The following CTNND2 variants were observed in gnomAD, a reference collection of about 807,000 sequenced individuals.
CTNND2 encodes the protein catenin delta-2.
In CTNND2, 22 loss-of-function variants were observed where a neutral mutation model predicts 144.4. The observed-to-expected ratio is 0.15, with a 90% confidence interval of 0.11 to 0.22. CTNND2 has a LOEUF of 0.22. Ranked by LOEUF, CTNND2 falls within the 10% of genes least tolerant of loss-of-function variation. The pLI, the probability that CTNND2 is intolerant of heterozygous loss-of-function variation, is 1.00. For missense variants in CTNND2, 1,353 were observed against 1,618.8 expected (o/e 0.84, Z 2.82); for synonymous variants, 751 against 695.6 (o/e 1.08, Z -1.25).
intron 2 of CTNND2, among the ~76,000 whole-genome samples, chr5:11,630,509 A>C (rs540117627): frequency 6.6e-6 from 1 of 152,186 alleles, no homozygotes; most frequent in South Asian, 2.1e-4. Context: ...CTTTTTCTTA[A>C]ACTGCATGTA....
rs554970700 is a variant in CTNND2 at position 11,411,396 on chromosome 5, G to A, written c.439+140C>T. On this transcript the variant is annotated intron_variant, in intron 5 of 21. Coordinates refer to ENST00000304623, the MANE Select transcript of CTNND2 (RefSeq NM_001332.4). ...AATGTGGGAAGGGAACAGATGGGAC[G>A]GAGTGAAATGGATAAAACAAGTATA... is the stretch of plus-strand genomic sequence containing the variant. 1.2e-4 allele frequency: 70 copies of A among 604,420 alleles called. No individual in the cohort carries two copies. In the East Asian group the frequency reaches 1.7e-3, roughly 14 times the overall value. The allele number at this position is 604,420 out of a possible 1,614,324, so 37.4% of individuals were successfully genotyped here. A position where few individuals can be genotyped will look rare whatever the true frequency, so the allele number is the denominator to read the frequency against.
intron 1 of CTNND2, among the ~76,000 whole-genome samples, chr5:11,889,600 A>G (rs556736166): frequency 6.6e-6 from 1 of 152,248 alleles, no homozygotes; most frequent in Admixed American, 6.5e-5. Context: ...AATTTAAATA[A>G]GCAGGGGATT....
intron 2 of CTNND2, among the ~76,000 whole-genome samples, chr5:11,605,053 C>A (rs1779979761): frequency 6.6e-6 from 1 of 152,046 alleles, no homozygotes. Flanking sequence ...AATAAAGTTC[C>A]TTTATTTATG....
intron 1 of CTNND2, among the ~76,000 whole-genome samples, chr5:11,767,048 T>C (rs1263057123): frequency 6.6e-6 from 1 of 152,066 alleles, no homozygotes; most frequent in Non-Finnish European, 1.5e-5. Context: ...ATCTGGGTCT[T>C]CGTGACTCCA....
chr5:11,232,716 G>A (rs1741172323), intron 10 of CTNND2, among the ~76,000 whole-genome samples: 1 of 152,230 alleles, frequency 6.6e-6, no homozygotes, highest in African/African-American at 2.4e-5. Flanking sequence ...GCTGAAATGA[G>A]TTAAGACTTT....
intron 1 of CTNND2, among the ~76,000 whole-genome samples, chr5:11,887,488 T>G (rs1415359421): frequency 1.3e-5 from 2 of 149,062 alleles, no homozygotes; most frequent in Non-Finnish European, 3.0e-5. Flanking sequence ...TACAGAGATC[T>G]TTAAAAACTT....
chr5:11,667,182 T>C (rs188460128), intron 2 of CTNND2, among the ~76,000 whole-genome samples: 174 of 152,272 alleles, frequency 1.1e-3, no homozygotes, highest in Non-Finnish European at 2.0e-3. Flanking sequence ...GGCATTTGAG[T>C]CAGTTCCAAG....
intron 12 of CTNND2, among the ~76,000 whole-genome samples, chr5:11,127,521 C>T (rs1195151533): frequency 6.6e-6 from 1 of 152,224 alleles, no homozygotes; most frequent in Admixed American, 6.5e-5. Context: ...TTTCTGACAT[C>T]TGACCCGGAG....
At chr5:11,089,735 C>T (rs1750564743) in intron 15 of CTNND2, among the ~76,000 whole-genome samples, 1 of 152,210 alleles carries the variant, frequency 6.6e-6, no homozygotes, top group Non-Finnish European at 1.5e-5. Flanking sequence ...CACAGCTGGG[C>T]ACAGTGGCTC....
intron 12 of CTNND2, among the ~76,000 whole-genome samples, chr5:11,151,567 T>C (rs1346013089): frequency 2.0e-5 from 3 of 152,368 alleles, no homozygotes; most frequent in East Asian, 3.9e-4. Flanking sequence ...ATAGGAATAA[T>C]GACTATTCAT....
At chr5:11,514,247 C>CA (rs1771937754) in intron 3 of CTNND2, among the ~76,000 whole-genome samples, 1 of 151,726 alleles carries the variant, frequency 6.6e-6, no homozygotes. Flanking sequence ...TTTCAATATA[C>CA]ACATATATAT....
intron 18 of CTNND2, among the ~76,000 whole-genome samples, chr5:11,016,135 G>C (rs1371536308): frequency 6.6e-6 from 1 of 152,154 alleles, no homozygotes; most frequent in Non-Finnish European, 1.5e-5. Flanking sequence ...AAGGAGGGCT[G>C]ACTAATTTCC....
At chr5:11,792,380 T>C (rs1791182364) in intron 1 of CTNND2, among the ~76,000 whole-genome samples, 1 of 152,200 alleles carries the variant, frequency 6.6e-6, no homozygotes, top group Non-Finnish European at 1.5e-5. Context: ...TTAGCATAAA[T>C]TTGTAACTAG....
chr5:11,167,648 A>G (rs936106791), intron 11 of CTNND2, among the ~76,000 whole-genome samples: 30 of 152,138 alleles, frequency 2.0e-4, no homozygotes, highest in Middle Eastern at 3.4e-3. Context: ...AAAAGTTTAG[A>G]TCAAGATGAT....
intron 1 of CTNND2, among the ~76,000 whole-genome samples, chr5:11,749,235 T>C (rs972726457): frequency 3.3e-5 from 5 of 152,156 alleles, no homozygotes; most frequent in Non-Finnish European, 7.4e-5. Context: ...AAGTGGCTCC[T>C]AGATTCTTGA....
At chr5:11,040,171 G>A (rs1444109167) in intron 16 of CTNND2, among the ~76,000 whole-genome samples, 5 of 152,074 alleles carry the variant, frequency 3.3e-5, no homozygotes, top group African/African-American at 4.8e-5. Flanking sequence ...GTTTGAACCC[G>A]GGAGGTGGAG....
chr5:11,344,783 T>A (rs1243564722), intron 9 of CTNND2, among the ~76,000 whole-genome samples: 2 of 152,042 alleles, frequency 1.3e-5, no homozygotes, highest in African/African-American at 2.4e-5. Context: ...GTAAGAGCTG[T>A]GTCAATATAT....
At chr5:11,643,618 T>C (rs1000526538) in intron 2 of CTNND2, among the ~76,000 whole-genome samples, 3 of 152,098 alleles carry the variant, frequency 2.0e-5, no homozygotes, top group Non-Finnish European at 4.4e-5. Flanking sequence ...TGCCACATTT[T>C]CTTAATCCAG....
At chr5:11,225,615 A>G (rs1740249408) in intron 10 of CTNND2, among the ~76,000 whole-genome samples, 1 of 152,094 alleles carries the variant, frequency 6.6e-6, no homozygotes, top group South Asian at 2.1e-4. Flanking sequence ...AAGCACTCCC[A>G]GCTCCTTCTC....
Sources: gnomAD v4.1 joint callset for allele counts (sites outside exome capture counted in the v4.1 genomes callset) on GRCh38, gnomAD v4.1.1 for gene constraint, MANE v1.5 for transcripts, NCBI Gene and HGNC (gene_info 2026-07-23, HGNC 2026-07-21) for gene names.